Variants in CNTN5 observed in about 807,000 individuals in gnomAD.
CNTN5 encodes contactin 5.
In CNTN5, 77 loss-of-function variants were observed where a neutral mutation model predicts 129.1. That is an observed-to-expected ratio of 0.60 (90% CI 0.50 to 0.72). CNTN5 has a LOEUF of 0.72. Ranked by LOEUF, CNTN5 falls within the 30% of genes least tolerant of loss-of-function variation. The pLI is 0.00. For synonymous variants in CNTN5, 509 were observed against 465.6 expected (o/e 1.09, Z -1.20); for missense variants, 1,478 against 1,328.8 (o/e 1.11, Z -1.75).
chr11:99,660,847 G>C (rs562587185), intron 3 of CNTN5, among the ~76,000 whole-genome samples: 1 of 151,660 alleles, frequency 6.6e-6, no homozygotes, highest in African/African-American at 2.4e-5. Flanking sequence ...CATTTCAATG[G>C]GTAGACCTTA....
At chr11:100,301,301 T>A (rs776086672) in intron 20 of CNTN5, among the ~76,000 whole-genome samples, 8 of 151,648 alleles carry the variant, frequency 5.3e-5, no homozygotes, top group Non-Finnish European at 1.0e-4. Context: ...AAATTCAGCT[T>A]TGTAATTTCT....
At chr11:99,185,810 TAACCCATCAAAATAACGG>T (rs1319248768) in intron 1 of CNTN5, among the ~76,000 whole-genome samples, 63 of 150,010 alleles carry the variant, frequency 4.2e-4, no homozygotes, top group African/African-American at 1.4e-3. Context: ...CCCATCAAAA[TAACCCATCAAAATAACGG>T]AGAGGAAATA....
At chr11:99,759,232 G>T (rs1191823042) in intron 3 of CNTN5, among the ~76,000 whole-genome samples, 1 of 152,018 alleles carries the variant, frequency 6.6e-6, no homozygotes, top group Non-Finnish European at 1.5e-5. Context: ...TGAGGGGAAG[G>T]TGTGTGTTAT....
intron 1 of CNTN5, among the ~76,000 whole-genome samples, chr11:99,314,021 T>A (rs184792385): frequency 1.1e-3 from 165 of 152,120 alleles, no homozygotes; most frequent in Non-Finnish European, 1.9e-3. Context: ...AAACCTGAGA[T>A]TTAAACTCAA....
At chr11:99,854,768 A>G (rs1438621951) in intron 6 of CNTN5, among the ~76,000 whole-genome samples, 3 of 152,164 alleles carry the variant, frequency 2.0e-5, no homozygotes, top group African/African-American at 7.2e-5. Context: ...AACTGGCCAC[A>G]AAACATGTTG....
intron 3 of CNTN5, among the ~76,000 whole-genome samples, chr11:99,807,670 A>C (rs947517280): frequency 4.0e-5 from 6 of 151,892 alleles, no homozygotes; most frequent in African/African-American, 1.5e-4. Flanking sequence ...ATGCACTACC[A>C]TGCCCAGCCA....
intron 1 of CNTN5, among the ~76,000 whole-genome samples, chr11:99,170,061 C>A (rs984967948): frequency 4.0e-5 from 6 of 151,836 alleles, no homozygotes; most frequent in African/African-American, 1.2e-4. Context: ...TTTTTTTGTG[C>A]TACATGTTAT....
chr11:99,783,849 T>A (rs1004972795), intron 3 of CNTN5, among the ~76,000 whole-genome samples: 2 of 151,662 alleles, frequency 1.3e-5, no homozygotes, highest in Non-Finnish European at 2.9e-5. Flanking sequence ...AGGGATTGCA[T>A]TGGGAGATAT....
At chr11:99,903,443 T>C (rs1485484878) in intron 6 of CNTN5, among the ~76,000 whole-genome samples, 2 of 152,096 alleles carry the variant, frequency 1.3e-5, no homozygotes, top group African/African-American at 4.8e-5. Flanking sequence ...TATTTCTTTA[T>C]GAAAATGCAG....
chr11:99,721,961 C>G (rs115131582), intron 3 of CNTN5, among the ~76,000 whole-genome samples: 2,084 of 152,168 alleles, frequency 0.014, 46 homozygotes, highest in African/African-American at 0.046. Context: ...GTCAGAATGG[C>G]TATTCTTAAA....
chr11:99,738,616 CGTGTGT>C (rs113729274), intron 3 of CNTN5, among the ~76,000 whole-genome samples: 7 of 143,318 alleles, frequency 4.9e-5, no homozygotes, highest in East Asian at 2.1e-4. Context: ...AAGACAGTAA[CGTGTGT>C]GTGTGTGTGT....
intron 13 of CNTN5, among the ~76,000 whole-genome samples, chr11:100,099,705 C>T (rs192431676): frequency 6.6e-6 from 1 of 151,578 alleles, no homozygotes; most frequent in East Asian, 2.0e-4. Context: ...TTATAGTTTC[C>T]AATTACCTTC....
intron 3 of CNTN5, among the ~76,000 whole-genome samples, chr11:99,685,276 C>T (rs1460531152): frequency 4.0e-5 from 6 of 151,492 alleles, no homozygotes; most frequent in South Asian, 2.1e-4. Context: ...CTATTGTTAT[C>T]GAGAATATGG....
chr11:99,579,057 A>G (rs531467672), intron 3 of CNTN5, among the ~76,000 whole-genome samples: 2 of 152,140 alleles, frequency 1.3e-5, no homozygotes, highest in Admixed American at 1.3e-4. Flanking sequence ...ATGGCTAGCC[A>G]GTTTCCCCAG....
At chr11:99,452,745 G>A (rs959938664) in intron 2 of CNTN5, among the ~76,000 whole-genome samples, 6 of 152,000 alleles carry the variant, frequency 3.9e-5, no homozygotes, top group South Asian at 2.1e-4. Flanking sequence ...TTCTATGTAC[G>A]AATAAGTCAT....
chr11:99,159,669 A>G (rs1860510342), intron 1 of CNTN5, among the ~76,000 whole-genome samples: 1 of 152,200 alleles, frequency 6.6e-6, no homozygotes, highest in Non-Finnish European at 1.5e-5. Flanking sequence ...TAAAAAACTC[A>G]AGGGAAGCAA....
intron 1 of CNTN5, among the ~76,000 whole-genome samples, chr11:99,038,640 C>G (rs867912582): frequency 1.3e-5 from 2 of 152,064 alleles, no homozygotes; most frequent in Non-Finnish European, 2.9e-5. Flanking sequence ...AGTAGACCAA[C>G]GCTTCTTTTA....
chr11:99,659,863 C>T lies in CNTN5; in HGVS notation c.55+103594C>T, dbSNP rs138675610. On this transcript the variant is annotated intron_variant, in intron 3 of 24. Coordinates refer to ENST00000524871, the MANE Select transcript of CNTN5 (RefSeq NM_014361.4). ...GGGTACCATGGATTAGCCAAGTTGG[C>T]GTGTAAAATTATCTTAACCAAATCT... Among the ~76,000 whole-genome samples, 65 of 152,144 alleles carry T rather than the reference C, an allele frequency of 4.3e-4. No homozygotes were observed. In the East Asian group the frequency reaches 6.0e-3, roughly 14 times the overall value.
chr11:99,575,724 T>A (rs1348570741), intron 3 of CNTN5, among the ~76,000 whole-genome samples: 4 of 152,146 alleles, frequency 2.6e-5, no homozygotes, highest in Admixed American at 2.6e-4. Flanking sequence ...AGTTGATGCT[T>A]CATAAGTAGC....
Sources: gnomAD v4.1 joint callset for allele counts (sites outside exome capture counted in the v4.1 genomes callset) on GRCh38, gnomAD v4.1.1 for gene constraint, MANE v1.5 for transcripts, NCBI Gene and HGNC (gene_info 2026-07-23, HGNC 2026-07-21) for gene names.